Variants in XKR6 observed in about 807,000 individuals in gnomAD.
XKR6 encodes XK-related protein 6.
Under a neutral mutation model 56.7 loss-of-function variants are expected in XKR6, and 22 were observed. The observed-to-expected ratio is 0.39, with a 90% CI of 0.28 to 0.55. The LOEUF (loss-of-function observed/expected upper bound fraction) is 0.55. Among genes scored for constraint, XKR6 ranks in the 20% least tolerant of loss-of-function variants. The pLI, the probability that XKR6 is intolerant of heterozygous loss-of-function variation, is 0.66. For missense variants in XKR6, 852 were observed against 889.0 expected (o/e 0.96, Z 0.53); for synonymous variants, 524 against 387.8 (o/e 1.35, Z -4.13).
chr8:10,970,980 A>G (rs185405436), intron 1 of XKR6, among the ~76,000 whole-genome samples: 1 of 151,868 alleles, frequency 6.6e-6, no homozygotes, highest in African/African-American at 2.4e-5. Flanking sequence ...TTTTTGTCTC[A>G]GCTGCCAGGA....
At position 11,201,366 on chromosome 8, in the gene XKR6, T is replaced by A. The variant is rs531042626; in HGVS notation, c.-27A>T. On this transcript the variant is annotated 5_prime_UTR_variant, in exon 1 of 3. Coordinates refer to ENST00000416569, the MANE Select transcript of XKR6 (RefSeq NM_173683.4). Reference sequence around the variant, plus strand: ...TTGACTCTCTTCCCAGCTCCGGAGGTTGGGGGGGAGGGACGGCGGGGGGGG... The same window carrying A: ...TTGACTCTCTTCCCAGCTCCGGAGGATGGGGGGGAGGGACGGCGGGGGGGG... 1 of 544,778 alleles carries A rather than the reference T, an allele frequency of 1.8e-6. No homozygotes were observed. The highest frequency in any genetic ancestry group is 4.4e-5 in the South Asian group (1 of 22,736). 33.7% of individuals were successfully genotyped at this position (544,778 alleles called of 1,614,324 possible). A position where few individuals can be genotyped will look rare whatever the true frequency, so the allele number is the denominator to read the frequency against.
intron 1 of XKR6, among the ~76,000 whole-genome samples, chr8:11,011,637 T>C (rs1021715665): frequency 1.3e-5 from 2 of 152,232 alleles, no homozygotes; most frequent in African/African-American, 4.8e-5. Flanking sequence ...GTAATAGAGA[T>C]GGCAATAAGT....
chr8:11,048,952 T>C lies in XKR6; in HGVS notation c.765-124122A>G, dbSNP rs115088220. On this transcript the variant is annotated intron_variant, in intron 1 of 2. Transcript: ENST00000416569. ...CTTGGCTGGCTGCCCAGGTGCACAG[T>C]GGCTGAGGTGGCTGCAGGCTCTTAT... 9.0e-3 allele frequency among the ~76,000 whole-genome samples: 1,365 copies of C among 152,302 alleles called. 23 individuals carry two copies. Among genetic ancestry groups the C allele is most frequent in the African/African-American group, 0.029 (1,209 of 41,558 alleles).
intron 1 of XKR6, among the ~76,000 whole-genome samples, chr8:10,958,544 A>G (rs900908184): frequency 1.1e-4 from 17 of 152,274 alleles, no homozygotes; most frequent in African/African-American, 4.1e-4. Flanking sequence ...CACCCGAGAC[A>G]TGGCATGCCA....
chr8:11,046,921 G>C (rs757111879), intron 1 of XKR6, among the ~76,000 whole-genome samples: 4 of 152,050 alleles, frequency 2.6e-5, no homozygotes, highest in African/African-American at 4.8e-5. Flanking sequence ...ACATGATCTC[G>C]CTTATGTGTG....
intron 1 of XKR6, among the ~76,000 whole-genome samples, chr8:11,075,612 C>G (rs1054022464): frequency 6.6e-6 from 1 of 152,138 alleles, no homozygotes. Context: ...TGGCCAGGCT[C>G]GGTAGCTCAC....
chr8:11,167,995 T>C (rs567597999), intron 1 of XKR6, among the ~76,000 whole-genome samples: 6 of 148,120 alleles, frequency 4.1e-5, no homozygotes, highest in African/African-American at 1.2e-4. Flanking sequence ...ATATAATCCC[T>C]ACAAAAATAG....
chr8:11,061,376 G>A (rs1200520626), intron 1 of XKR6, among the ~76,000 whole-genome samples: 1 of 152,098 alleles, frequency 6.6e-6, no homozygotes, highest in African/African-American at 2.4e-5. Flanking sequence ...TGAGGTGGGA[G>A]GATCACCTGA....
At chr8:10,912,344 G>GA (rs1800413553) in intron 2 of XKR6, among the ~76,000 whole-genome samples, 2 of 46,124 alleles carry the variant, frequency 4.3e-5, no homozygotes, top group Non-Finnish European at 4.3e-5. Flanking sequence ...ATATATATAT[G>GA]GAGAGAGAGA....
At chr8:10,899,012 C>T (rs1215434478) in intron 2 of XKR6, 96 bp from the exon 3 acceptor site, 23 of 1,486,130 alleles carry the variant, frequency 1.5e-5, no homozygotes, top group South Asian at 6.8e-5. Flanking sequence ...ACATACACCA[C>T]GATCTAAAGG....
At chr8:11,196,681 A>T (rs1803908835) in intron 1 of XKR6, among the ~76,000 whole-genome samples, 1 of 152,262 alleles carries the variant, frequency 6.6e-6, no homozygotes, top group South Asian at 2.1e-4. Flanking sequence ...TCCAGTTCTC[A>T]AGCGTGGGGT....
intron 1 of XKR6, among the ~76,000 whole-genome samples, chr8:11,011,706 G>C (rs1798503593): frequency 6.6e-6 from 1 of 152,184 alleles, no homozygotes; most frequent in Non-Finnish European, 1.5e-5. Context: ...CAGAGGCTGC[G>C]ATGCGGGAAG....
intron 1 of XKR6, among the ~76,000 whole-genome samples, chr8:11,021,152 C>A (rs1798741229): frequency 6.6e-6 from 1 of 152,214 alleles, no homozygotes; most frequent in South Asian, 2.1e-4. Context: ...TCTTGGGCTT[C>A]TCTCAGAGTC....
rs180740357 is a variant in XKR6 at position 11,187,001 on chromosome 8, G to C, written c.764+13575C>G. ...AAAAACCATGAAAACAGATTGTTTA[G>C]ACTGCAGAAAGCAGTCTGTTTATTC... On this transcript the variant is annotated intron_variant, in intron 1 of 2. Transcript: ENST00000416569. Among the ~76,000 whole-genome samples the C allele has an allele frequency of 2.7e-4, 41 of 152,298 alleles. 1 individual carries two copies. The highest frequency in any genetic ancestry group is 1.4e-3 in the Admixed American group (21 of 15,302).
intron 1 of XKR6, among the ~76,000 whole-genome samples, chr8:11,129,426 C>T (rs1385904427): frequency 6.6e-6 from 1 of 152,116 alleles, no homozygotes; most frequent in Non-Finnish European, 1.5e-5. Flanking sequence ...ATTATAACCA[C>T]CAAATGTTTC....
chr8:11,073,029 G>A (rs778020928), intron 1 of XKR6, among the ~76,000 whole-genome samples: 10 of 149,654 alleles, frequency 6.7e-5, no homozygotes, highest in Admixed American at 2.7e-4. Flanking sequence ...CAGCCTCAGC[G>A]ACAGAGCGAG....
chr8:10,960,945 G>A lies in XKR6; in HGVS notation c.765-36115C>T, dbSNP rs1345780624. Among the ~76,000 whole-genome samples the A allele has an allele frequency of 2.0e-5, 3 of 152,164 alleles. No homozygotes were observed. The East Asian group carries it at 5.8e-4, about 29-fold the overall frequency. On this transcript the variant is annotated intron_variant, in intron 1 of 2. Coordinates refer to ENST00000416569, the MANE Select transcript of XKR6 (RefSeq NM_173683.4). ...GCCATGAATGAAACAGGGAAGACAG[G>A]GAAGACCGGGCTAGACTGGCTAGAT...
At chr8:11,189,447 T>C (rs1029939942) in intron 1 of XKR6, among the ~76,000 whole-genome samples, 7 of 152,190 alleles carry the variant, frequency 4.6e-5, no homozygotes, top group Admixed American at 2.6e-4. Context: ...ACAGCAACTC[T>C]TTGGTTAATA....
chr8:11,165,904 A>G (rs1274888715), intron 1 of XKR6, among the ~76,000 whole-genome samples: 1 of 151,944 alleles, frequency 6.6e-6, no homozygotes, highest in African/African-American at 2.4e-5. Flanking sequence ...AGCCACGTGC[A>G]ATGACCACTG....
Sources: gnomAD v4.1 joint callset for allele counts (sites outside exome capture counted in the v4.1 genomes callset) on GRCh38, gnomAD v4.1.1 for gene constraint, MANE v1.5 for transcripts, NCBI Gene and HGNC (gene_info 2026-07-23, HGNC 2026-07-21) for gene names.